NOC2L: variants seen among roughly 807,000 people sequenced by gnomAD.
NOC2L encodes nucleolar complex protein 2 homolog.
In NOC2L, 101 loss-of-function variants were observed where a neutral mutation model predicts 94.2. That is an observed-to-expected ratio of 1.07 (90% CI 0.91 to 1.26). NOC2L has a LOEUF of 1.26. Among genes scored for constraint, NOC2L ranks in the 50% most tolerant of loss-of-function variants. The pLI, the probability that NOC2L is intolerant of heterozygous loss-of-function variation, is 0.00. For synonymous variants in NOC2L, 531 were observed against 413.4 expected (o/e 1.28, Z -3.45); for missense variants, 1,076 against 980.1 (o/e 1.10, Z -1.31).
rs753633706 is a variant in NOC2L at position 946,388 on chromosome 1, C to G, written c.1803+14G>C. On this transcript the variant is annotated intron_variant, in intron 15 of 18. Transcript: ENST00000327044. Reference sequence around the variant, plus strand: ...AGGTGCCCTCAGGTGGCACTACCCCCAGGGCCCACTAACCACTGCCTGCTG... The same window carrying G: ...AGGTGCCCTCAGGTGGCACTACCCCGAGGGCCCACTAACCACTGCCTGCTG... 1 of 1,613,534 alleles carries G rather than the reference C, an allele frequency of 6.2e-7. No homozygotes were observed.
At chr1:952,168 G>A (rs761794552) in intron 10 of NOC2L, 29 bp from the exon 11 acceptor site, 1 of 1,612,194 alleles carries the variant, frequency 6.2e-7, no homozygotes, top group African/African-American at 1.3e-5. Context: ...GTCAGCTACT[G>A]GCCAGGCTGA....
Position 945,673 on chromosome 1 carries a change from G to C in NOC2L, c.1918-20C>G, listed in dbSNP as rs922598180. ...TTCCAGCTGGAAGGCCAAAGAACCAGGGGCTCAGGTGAGAGAGGGCAGGGG... is the reference window on the plus strand; with the variant it reads ...TTCCAGCTGGAAGGCCAAAGAACCACGGGCTCAGGTGAGAGAGGGCAGGGG... On this transcript the variant is annotated intron_variant, in intron 16 of 18. Coordinates refer to ENST00000327044, the MANE Select transcript of NOC2L (RefSeq NM_015658.4). 1.2e-6 allele frequency: 2 copies of C among 1,613,988 alleles called. No homozygotes were observed. The highest frequency in any genetic ancestry group is 2.7e-5 in the African/African-American group (2 of 74,904).
At chr1:946,007 G>C (rs1420659155) in intron 16 of NOC2L, among the ~76,000 whole-genome samples, 166 bp downstream of exon 16, 1 of 152,200 alleles carries the variant, frequency 6.6e-6, no homozygotes, top group Non-Finnish European at 1.5e-5. Context: ...GCCTGGTTCT[G>C]GCCAGTTCTC....
intron 12 of NOC2L, among the ~76,000 whole-genome samples, chr1:950,352 G>A (rs908071188): frequency 2.6e-5 from 4 of 150,956 alleles, no homozygotes; most frequent in African/African-American, 9.8e-5. Context: ...CACATGCAAA[G>A]GTTCATGCAT....
intron 12 of NOC2L, among the ~76,000 whole-genome samples, chr1:950,680 G>A (rs1221593213): frequency 6.6e-6 from 1 of 151,636 alleles, no homozygotes; most frequent in Non-Finnish European, 1.5e-5. Flanking sequence ...CAGATTTACA[G>A]ACCCATGCAC....
chr1:958,853 C>T, intron 2 of NOC2L, 76 bp downstream of exon 2: 1 of 1,535,618 alleles, frequency 6.5e-7, no homozygotes, highest in Non-Finnish European at 9.0e-7. Context: ...GCCCTGAGAC[C>T]CCAGGCGAGG....
At chr1:948,092 T>A (rs1348360263) in intron 14 of NOC2L, 39 bp downstream of exon 14, 10 of 1,499,230 alleles carry the variant, frequency 6.7e-6, no homozygotes, top group Non-Finnish European at 9.1e-6. Flanking sequence ...TATAAGACAG[T>A]CTGAGTCGGC....
intron 17 of NOC2L, 127 bp downstream of exon 17, chr1:945,391 G>A: frequency 8.4e-7 from 1 of 1,196,344 alleles, no homozygotes. Context: ...CACTGAGGTT[G>A]GCCCCAGCTG....
At chr1:958,896 C>G in intron 2 of NOC2L, 33 bp downstream of exon 2, 1 of 1,612,208 alleles carries the variant, frequency 6.2e-7, no homozygotes, top group African/African-American at 1.3e-5. Flanking sequence ...ACAGGACGAG[C>G]AAGAGGTTCT....
rs78582411 is a variant in NOC2L, at chr1:947,619, A to G, written c.1659+512T>C. On this transcript the variant is annotated intron_variant, in intron 14 of 18. Coordinates refer to ENST00000327044, the MANE Select transcript of NOC2L (RefSeq NM_015658.4). ...GGCCCAGAAGGACCTTCTGAGGATA[A>G]GGAGAACCCCCTCCTCCACCCCACT... Among the ~76,000 whole-genome samples, 62 of 152,348 alleles carry G rather than the reference A, an allele frequency of 4.1e-4. No homozygotes were observed. In the East Asian group the frequency reaches 0.011, roughly 27 times the overall value.
chr1:958,811 G>C (rs553150534), intron 2 of NOC2L, 118 bp downstream of exon 2: 51 of 994,674 alleles, frequency 5.1e-5, no homozygotes, highest in Non-Finnish European at 7.6e-5. Context: ...TGAAAGGACT[G>C]GGGGGCAGAG....
Position 953,193 on chromosome 1 carries a change from GAA to G in NOC2L, c.982_983del (p.Phe328ProfsTer269). 6.2e-7 allele frequency: 1 copy of G among 1,612,706 alleles called. No individual in the cohort carries two copies. The highest frequency in any genetic ancestry group is 1.3e-5 in the African/African-American group (1 of 75,036). ...CCACTACCTTGAGGACGGGGCCAAG[GAA>G]AGTGTCCTTCTTGTGCCGGCAGACT... ...SRVCRHKKDT[F>X]LGPVLKQMYI... On this transcript the variant is annotated frameshift_variant, in exon 9 of 19. Transcript: ENST00000327044. LOFTEE classifies it high-confidence loss of function.
At chr1:947,083 T>C (rs1642134731) in intron 14 of NOC2L, 1 of 154,600 alleles carries the variant, frequency 6.5e-6, no homozygotes, top group East Asian at 1.9e-4. Flanking sequence ...ACTAATAAAA[T>C]ACAGTCTCGC....
At chr1:955,578 C>G (rs993359354) in intron 6 of NOC2L, among the ~76,000 whole-genome samples, 19 of 152,180 alleles carry the variant, frequency 1.2e-4, no homozygotes, top group African/African-American at 4.3e-4. Context: ...GTGCAGAGAT[C>G]AAGGAGTATG....
At chr1:945,357 G>A (rs1642074618) in intron 17 of NOC2L, 161 bp downstream of exon 17, 2 of 1,006,918 alleles carry the variant, frequency 2.0e-6, no homozygotes, top group Admixed American at 5.4e-5. Flanking sequence ...AGGAGGGAAG[G>A]CGCTGGCACC....
At position 952,068 on chromosome 1, in the gene NOC2L, A is replaced by G. The variant is rs779434563; in HGVS notation, c.1263T>C (p.Thr421=). ...CLFLWCRVLS[T]AGPSEALQPL... is the part of the protein sequence containing the mutation. ...GCTGGAGGGCTTCGCTGGGGCCCGC[A>G]GTGCTCAGGACCCGGCACCACAGGA... Residue 421 remains threonine (T), a synonymous_variant, in exon 11 of 19, where the codon ACT becomes ACC. Transcript: ENST00000327044. 2 of 1,613,690 alleles carry G rather than the reference A, an allele frequency of 1.2e-6. No homozygotes were observed. Among genetic ancestry groups the G allele is most frequent in the Admixed American group, 1.7e-5 (1 of 60,010 alleles).
intron 12 of NOC2L, among the ~76,000 whole-genome samples, chr1:950,849 G>A (rs533144489): frequency 4.6e-5 from 7 of 152,190 alleles, no homozygotes; most frequent in East Asian, 1.9e-4. Flanking sequence ...GGCCCATCTC[G>A]CCTCCTGCCT....
At position 952,549 on chromosome 1, in the gene NOC2L, G is replaced by A. The variant is rs1642288566; in HGVS notation, c.1054C>T (p.Leu352Phe). The change falls in exon 10 of 19, where the codon CTC becomes TTC. Residue 352 changes from leucine to phenylalanine, a missense_variant. By Grantham distance (22) the Leu-to-Phe change is conservative. Transcript: ENST00000327044. ...CACTGCATGAAACTGATGAAGGGGA[G>A]GGCACCAGGCGAGGTGAACTTGCAG... ...RNCKFTSPGA[L>F]PFISFMQWTL... 1.2e-6 allele frequency: 2 copies of A among 1,613,790 alleles called. No homozygotes were observed. The highest frequency in any genetic ancestry group is 1.3e-5 in the African/African-American group (1 of 74,922).
At chr1:953,678 G>A (rs1642320331) in intron 8 of NOC2L, 104 bp downstream of exon 8, 2 of 844,692 alleles carry the variant, frequency 2.4e-6, no homozygotes, top group Admixed American at 2.1e-5. Context: ...AGCCAGTGGA[G>A]TGTGGGCACC....
Sources: allele counts gnomAD v4.1 joint callset (sites outside exome capture counted in the v4.1 genomes callset), GRCh38; gene constraint gnomAD v4.1.1; transcripts MANE v1.5; gene names NCBI Gene and HGNC (gene_info 2026-07-23, HGNC 2026-07-21).